The following CSMD1 variants were observed in gnomAD, a reference collection of about 807,000 sequenced individuals.
CSMD1 encodes the protein CUB and Sushi multiple domains 1.
A neutral mutation model predicts 417.5 loss-of-function variants in CSMD1; 213 were observed. The ratio of observed to expected loss-of-function variants is 0.51; its 90% CI spans 0.46 to 0.57. The LOEUF (loss-of-function observed/expected upper bound fraction) is 0.57, where lower values mean the gene tolerates loss of function less well. Ranked by LOEUF, CSMD1 falls within the 20% of genes least tolerant of loss-of-function variation. CSMD1 has a pLI of 0.00. For synonymous variants in CSMD1, 2,862 were observed against 1,736.8 expected, an observed-to-expected ratio of 1.65 and a Z score of -16.11; for missense variants, 6,923 against 4,529.7, an observed-to-expected ratio of 1.53 and a Z score of -15.17.
chr8:3,427,514 G>T (rs1220189298), intron 12 of CSMD1, among the ~76,000 whole-genome samples: 1 of 151,944 alleles, frequency 6.6e-6, no homozygotes, highest in Non-Finnish European at 1.5e-5. Context: ...TATTTAATAA[G>T]GATGAAGTAA....
chr8:4,733,995 C>T (rs1810064647), intron 1 of CSMD1, among the ~76,000 whole-genome samples: 1 of 152,124 alleles, frequency 6.6e-6, no homozygotes, highest in Non-Finnish European at 1.5e-5. Flanking sequence ...TGAAGATTCT[C>T]TTATCAAAGA....
At chr8:3,978,987 TACA>T (rs1813649968) in intron 5 of CSMD1, among the ~76,000 whole-genome samples, 1 of 152,226 alleles carries the variant, frequency 6.6e-6, no homozygotes, top group South Asian at 2.1e-4. Flanking sequence ...GCTTGCATTT[TACA>T]ACAATTGGAA....
intron 2 of CSMD1, among the ~76,000 whole-genome samples, chr8:4,511,566 G>C (rs987741121): frequency 1.3e-5 from 2 of 152,190 alleles, no homozygotes; most frequent in African/African-American, 2.4e-5. Context: ...CATTCAGAGA[G>C]GTGGGGGTCA....
At chr8:4,394,964 G>C (rs779004973) in intron 3 of CSMD1, among the ~76,000 whole-genome samples, 1 of 152,182 alleles carries the variant, frequency 6.6e-6, no homozygotes, top group Non-Finnish European at 1.5e-5. Context: ...AAAGGGAAGA[G>C]TTAATTCACA....
intron 6 of CSMD1, among the ~76,000 whole-genome samples, chr8:3,741,983 T>G (rs919300136): frequency 1.3e-5 from 2 of 151,796 alleles, no homozygotes; most frequent in African/African-American, 4.8e-5. Context: ...ATCTTGGTTT[T>G]TTTTTTTTTT....
intron 25 of CSMD1, among the ~76,000 whole-genome samples, chr8:3,287,614 G>A (rs1315741166): frequency 1.3e-5 from 2 of 152,074 alleles, no homozygotes; most frequent in Non-Finnish European, 2.9e-5. Flanking sequence ...GTCTGTTATT[G>A]GCATATGAGA....
At chr8:4,413,194 C>T (rs777106286) in intron 3 of CSMD1, among the ~76,000 whole-genome samples, 2 of 152,086 alleles carry the variant, frequency 1.3e-5, no homozygotes, top group Admixed American at 6.6e-5. Context: ...CACAAACATC[C>T]CAGGGAGGGT....
chr8:3,321,593 T>C (rs79792793), intron 23 of CSMD1, among the ~76,000 whole-genome samples: 15,312 of 152,206 alleles, frequency 0.1, 959 homozygotes, highest in Non-Finnish European at 0.14. Context: ...AGAACATGCA[T>C]TGTTTACTGT....
intron 1 of CSMD1, among the ~76,000 whole-genome samples, chr8:4,786,341 A>C (rs1797399599): frequency 1.3e-5 from 2 of 152,230 alleles, no homozygotes; most frequent in Non-Finnish European, 1.5e-5. Context: ...TTTGGGTATA[A>C]TATTTTACAG....
intron 1 of CSMD1, among the ~76,000 whole-genome samples, chr8:4,707,606 G>A (rs1808022688): frequency 6.6e-6 from 1 of 152,016 alleles, no homozygotes; most frequent in Non-Finnish European, 1.5e-5. Flanking sequence ...AGGGGAAAGA[G>A]CCAGCCATGA....
At position 4,412,830 on chromosome 8, in the gene CSMD1, AC is replaced by A. The variant is rs1796723154; in HGVS notation, c.415+7122del. ...AACTCACTCTAGGCCTGTATGTGAA[AC>A]CAAATTGTAATGGAAGAATGCCTGC... On this transcript the variant is annotated intron_variant, in intron 3 of 69. Transcript: ENST00000635120. Among the ~76,000 whole-genome samples the A allele has an allele frequency of 1.3e-5, 2 of 152,198 alleles. 1 individual carries two copies. Among genetic ancestry groups the A allele is most frequent in the South Asian group, 4.1e-4 (2 of 4,832 alleles).
At chr8:3,114,111 G>C (rs1056925391) in intron 42 of CSMD1, among the ~76,000 whole-genome samples, 4 of 152,040 alleles carry the variant, frequency 2.6e-5, no homozygotes, top group Admixed American at 6.6e-5. Flanking sequence ...ATGCATGCGA[G>C]CACATGCCTG....
rs573606308 is a variant in CSMD1 at position 4,066,702 on chromosome 8, G to A, written c.416-34603C>T. On this transcript the variant is annotated intron_variant, in intron 3 of 69. Coordinates refer to ENST00000635120, the MANE Select transcript of CSMD1 (RefSeq NM_033225.6). ...TATTCTATCCAACCTGAAATTAGATGATAGTATATTTTGTTTGGGACGAGA... is the reference window on the plus strand; with the variant it reads ...TATTCTATCCAACCTGAAATTAGATAATAGTATATTTTGTTTGGGACGAGA... 6.3e-4 allele frequency among the ~76,000 whole-genome samples: 96 copies of A among 152,044 alleles called. 2 individuals are homozygous for A. Among genetic ancestry groups the A allele is most frequent in the Admixed American group, 2.0e-4 (3 of 15,256 alleles).
chr8:4,309,150 T>G (rs1282726299), intron 3 of CSMD1, among the ~76,000 whole-genome samples: 1 of 152,150 alleles, frequency 6.6e-6, no homozygotes, highest in Non-Finnish European at 1.5e-5. Flanking sequence ...ACAGGCCAAT[T>G]CAACAACTTT....
chr8:4,106,852 A>G (rs1375262088), intron 3 of CSMD1, among the ~76,000 whole-genome samples: 2 of 152,156 alleles, frequency 1.3e-5, no homozygotes, highest in East Asian at 3.9e-4. Flanking sequence ...GAGAAAAGAA[A>G]AACTGCCCCG....
Position 2,936,145 on chromosome 8 carries a change from A to G in CSMD1, c.*2440T>C, listed in dbSNP as rs1021259194. 4 of 152,076 alleles carry G rather than the reference A, an allele frequency of 2.6e-5. No homozygotes were observed. Among genetic ancestry groups the G allele is most frequent in the African/African-American group, 7.2e-5 (3 of 41,396 alleles). The allele number at this position is 152,076 out of a possible 1,614,324, so 9.4% of individuals were successfully genotyped here. Reference sequence around the variant, plus strand: ...TGATTTTTTTTTTCATTTAAATAACATGCTTCAAACTGGCAACCCTAGGAC... The same window carrying G: ...TGATTTTTTTTTTCATTTAAATAACGTGCTTCAAACTGGCAACCCTAGGAC... On this transcript the variant is annotated 3_prime_UTR_variant, in exon 70 of 70. Transcript: ENST00000635120.
intron 3 of CSMD1, among the ~76,000 whole-genome samples, chr8:4,041,406 TTAC>T (rs1797888256): frequency 6.6e-6 from 1 of 152,192 alleles, no homozygotes; most frequent in Non-Finnish European, 1.5e-5. Context: ...CAAATCAAGC[TTAC>T]TACTACGAAA....
intron 7 of CSMD1, among the ~76,000 whole-genome samples, chr8:3,628,964 A>G (rs1290765843): frequency 1.3e-5 from 2 of 152,176 alleles, no homozygotes; most frequent in Non-Finnish European, 2.9e-5. Flanking sequence ...AGAATAAAAG[A>G]TAAAGAAGGG....
chr8:3,411,882 A>ACATG lies in CSMD1; in HGVS notation c.1562-2278_1562-2277insCATG, dbSNP rs1563361605. On this transcript the variant is annotated intron_variant, in intron 12 of 69. Coordinates refer to ENST00000635120, the MANE Select transcript of CSMD1 (RefSeq NM_033225.6). ...TGCACGTATATATGCACGTATATAT[A>ACATG]CACGTATATATGCACGTATATATAC... Among the ~76,000 whole-genome samples the ACATG allele has an allele frequency of 3.2e-4, 15 of 46,362 alleles. 4 individuals are homozygous for ACATG. The highest frequency in any genetic ancestry group is 4.5e-4 in the Non-Finnish European group (10 of 22,390). 30.4% of individuals were successfully genotyped at this position (46,362 alleles called of 152,430 possible).
Sources: gnomAD v4.1 joint callset for allele counts (sites outside exome capture counted in the v4.1 genomes callset) on GRCh38, gnomAD v4.1.1 for gene constraint, MANE v1.5 for transcripts, NCBI Gene and HGNC (gene_info 2026-07-23, HGNC 2026-07-21) for gene names.